The following GCH1 variants were observed in gnomAD, a reference collection of about 807,000 sequenced individuals.
GCH1 encodes GTP cyclohydrolase 1.
GCH1 carries 5 observed loss-of-function variants against 25.9 expected under a neutral mutation model. The ratio of observed to expected loss-of-function variants is 0.19; its 90% CI spans 0.10 to 0.41. The LOEUF is 0.41. Among genes scored for constraint, GCH1 ranks in the 10% least tolerant of loss-of-function variants. The probability of loss-of-function intolerance (pLI) is 1.00; values close to 1 mark genes in which losing one functional copy is unlikely to be tolerated. For missense variants in GCH1, 261 were observed against 336.5 expected (o/e 0.78, Z 1.75); for synonymous variants, 159 against 129.6 (o/e 1.23, Z -1.54).
chr14:54,862,841 A>G (rs531326805), intron 2 of GCH1, among the ~76,000 whole-genome samples: 2 of 152,192 alleles, frequency 1.3e-5, no homozygotes, highest in Admixed American at 1.3e-4. Flanking sequence ...CCAGAGGCTG[A>G]AGGAAACAAA....
At chr14:54,889,825 T>C (rs2040401124) in intron 1 of GCH1, among the ~76,000 whole-genome samples, 1 of 152,176 alleles carries the variant, frequency 6.6e-6, no homozygotes, top group Non-Finnish European at 1.5e-5. Context: ...TCAGATTAAC[T>C]GTGCACTAAA....
intron 1 of GCH1, among the ~76,000 whole-genome samples, chr14:54,876,017 A>T (rs1393790788): frequency 6.6e-6 from 1 of 152,210 alleles, no homozygotes; most frequent in Non-Finnish European, 1.5e-5. Flanking sequence ...AAAGGATTAT[A>T]AAACATGCTA....
At chr14:54,859,615 G>C (rs944105313) in intron 3 of GCH1, 66 bp downstream of exon 3, 3 of 868,116 alleles carry the variant, frequency 3.5e-6, no homozygotes, top group African/African-American at 1.6e-5. Flanking sequence ...TGATGAGATA[G>C]ATTCTCAGCA....
intron 1 of GCH1, among the ~76,000 whole-genome samples, chr14:54,887,243 T>C (rs1426220725): frequency 1.3e-5 from 2 of 152,216 alleles, no homozygotes; most frequent in Non-Finnish European, 2.9e-5. Flanking sequence ...ACAGGGCTTT[T>C]AAAAACCAAT....
chr14:54,867,545 G>A (rs1462220697), intron 1 of GCH1, among the ~76,000 whole-genome samples: 1 of 129,764 alleles, frequency 7.7e-6, no homozygotes, highest in Non-Finnish European at 1.5e-5. Context: ...CCGAGATCAT[G>A]TCACTGTACT....
intron 1 of GCH1, among the ~76,000 whole-genome samples, chr14:54,892,847 G>A (rs758577147): frequency 4.6e-5 from 7 of 152,102 alleles, no homozygotes; most frequent in Non-Finnish European, 1.0e-4. Flanking sequence ...AGGAGGTTGA[G>A]ACAGGCCAAT....
At chr14:54,896,476 T>TA (rs60583038) in intron 1 of GCH1, among the ~76,000 whole-genome samples, 42,068 of 146,634 alleles carry the variant, frequency 0.29, 7,246 homozygotes, top group African/African-American at 0.5. Flanking sequence ...TATATCTCTT[T>TA]AAAAAAAAAA....
chr14:54,844,335 A>C (rs560467875), intron 5 of GCH1, among the ~76,000 whole-genome samples, 192 bp from the exon 6 acceptor site: 1 of 152,318 alleles, frequency 6.6e-6, no homozygotes, highest in African/African-American at 2.4e-5. Context: ...TAATGGCAAA[A>C]ACTGCAATTA....
At chr14:54,885,891 A>AAAAC (rs1056228779) in intron 1 of GCH1, 4 of 187,966 alleles carry the variant, frequency 2.1e-5, no homozygotes, top group Non-Finnish European at 4.4e-5. Context: ...TCCATCTCAA[A>AAAAC]AAACAAACAA....
chr14:54,898,098 G>C (rs1395572571), intron 1 of GCH1, among the ~76,000 whole-genome samples: 1 of 152,138 alleles, frequency 6.6e-6, no homozygotes, highest in Non-Finnish European at 1.5e-5. Context: ...AAGATATGTA[G>C]GCCAGGTGGG....
chr14:54,847,274 C>A (rs1303338334), intron 3 of GCH1, 144 bp from the exon 4 acceptor site: 2 of 511,004 alleles, frequency 3.9e-6, no homozygotes, highest in East Asian at 7.3e-5. Flanking sequence ...CAGAAAGATA[C>A]AAGTACCACA....
intron 1 of GCH1, among the ~76,000 whole-genome samples, chr14:54,889,676 C>T (rs10149080): frequency 0.042 from 6,349 of 152,094 alleles, 482 homozygotes; most frequent in African/African-American, 0.15. Context: ...CCCATGGTTG[C>T]CAACCAAAAA....
intron 1 of GCH1, among the ~76,000 whole-genome samples, chr14:54,873,401 T>C (rs1362587846): frequency 1.3e-5 from 2 of 152,102 alleles, no homozygotes; most frequent in Admixed American, 1.3e-4. Context: ...AGGAAAGATC[T>C]AAAATTGACA....
chr14:54,868,187 G>C (rs541800048), intron 1 of GCH1, among the ~76,000 whole-genome samples: 2 of 152,172 alleles, frequency 1.3e-5, no homozygotes, highest in Non-Finnish European at 2.9e-5. Flanking sequence ...GGCAAGGTGG[G>C]AGGATCACTT....
intron 3 of GCH1, among the ~76,000 whole-genome samples, chr14:54,853,938 C>T (rs137901914): frequency 6.6e-6 from 1 of 152,148 alleles, no homozygotes; most frequent in Non-Finnish European, 1.5e-5. Context: ...ATTAATTTGA[C>T]CTTTTCTAAT....
At chr14:54,882,800 T>A (rs1348605414) in intron 1 of GCH1, among the ~76,000 whole-genome samples, 2 of 152,190 alleles carry the variant, frequency 1.3e-5, no homozygotes, top group Admixed American at 1.3e-4. Context: ...GAACCATCTG[T>A]AATCCCATCC....
In GCH1 at chr14:54,844,020, G is replaced by A. The variant is rs2039600418; in HGVS notation, c.750C>T (p.Ser250=). ...ACGCACACACACTGAATGAAGCTCA[G>A]CTCCTAATGAGAGTCAGGAACTCTT... ...TREEFLTLIR[S] The change falls in exon 6 of 6, where the codon AGC becomes AGT. Residue 250 remains serine, a synonymous_variant. Transcript: ENST00000491895. 6.2e-7 allele frequency: 1 copy of A among 1,614,148 alleles called. No individual in the cohort carries two copies.
intron 1 of GCH1, chr14:54,885,336 A>T (rs1041856347): frequency 4.0e-6 from 1 of 252,858 alleles, no homozygotes; most frequent in Non-Finnish European, 8.2e-6. Context: ...ACCAGTCAAG[A>T]TCCACATTGC....
chr14:54,884,282 G>A (rs2140104544), intron 1 of GCH1, among the ~76,000 whole-genome samples: 1 of 152,248 alleles, frequency 6.6e-6, no homozygotes, highest in Non-Finnish European at 1.5e-5. Flanking sequence ...TTTTACCCAG[G>A]CCTAAAGGTC....
Sources: gnomAD v4.1 joint callset for allele counts (sites outside exome capture counted in the v4.1 genomes callset) on GRCh38, gnomAD v4.1.1 for gene constraint, MANE v1.5 for transcripts, NCBI Gene and HGNC (gene_info 2026-07-23, HGNC 2026-07-21) for gene names.